The following SCFD2 variants were observed in gnomAD, a reference collection of about 807,000 sequenced individuals.
SCFD2 encodes sec1 family domain containing 2.
In SCFD2, 54 loss-of-function variants were observed where a neutral mutation model predicts 58.9. The observed-to-expected ratio is 0.92, with a 90% CI of 0.74 to 1.15. SCFD2 has a LOEUF of 1.15. Ranked by LOEUF, SCFD2 falls within the 50% of genes most tolerant of loss-of-function variation. The pLI is 0.00. For synonymous variants in SCFD2, 321 were observed against 335.9 expected (o/e 0.96, Z 0.49); for missense variants, 805 against 836.6 (o/e 0.96, Z 0.47).
rs191722198 is a variant in SCFD2 at position 53,298,559 on chromosome 4, G to A, written c.1135+15077C>T. 3.5e-3 allele frequency among the ~76,000 whole-genome samples: 535 copies of A among 152,336 alleles called. 3 individuals are homozygous for A. The highest frequency in any genetic ancestry group is 0.012 in the African/African-American group (517 of 41,576). The stretch of plus-strand genomic sequence containing the variant: ...ACAAAAGACAGCAATAACCTCTGCA[G>A]ACTTACATGTCCCTGTCTGACAGCT... On this transcript the variant is annotated intron_variant, in intron 3 of 8. Transcript: ENST00000401642.
intron 3 of SCFD2, among the ~76,000 whole-genome samples, chr4:53,288,502 C>T (rs1240755645): frequency 1.3e-5 from 2 of 152,052 alleles, no homozygotes; most frequent in African/African-American, 4.8e-5. Context: ...AATCAAGTGA[C>T]ATACAAGGGA....
chr4:53,267,094 G>A (rs566969450), intron 4 of SCFD2, among the ~76,000 whole-genome samples: 59 of 152,182 alleles, frequency 3.9e-4, no homozygotes, highest in African/African-American at 1.3e-3. Flanking sequence ...TTCTAAGACC[G>A]ATTTCTTTTT....
At chr4:52,974,579 AAATGGCCATACTGCCCAAGGT>A (rs1253278946) in intron 5 of SCFD2, among the ~76,000 whole-genome samples, 1 of 152,240 alleles carries the variant, frequency 6.6e-6, no homozygotes, top group Non-Finnish European at 1.5e-5. Flanking sequence ...AATATCATGA[AAATGGCCATACTGCCCAAGGT>A]AATTTATAGA....
chr4:53,021,803 T>C (rs1170916652), intron 5 of SCFD2, among the ~76,000 whole-genome samples: 1 of 152,164 alleles, frequency 6.6e-6, no homozygotes, highest in Non-Finnish European at 1.5e-5. Context: ...AAAATCTTGT[T>C]TTGTTCACAG....
At chr4:52,933,737 T>C (rs1390987145) in intron 5 of SCFD2, among the ~76,000 whole-genome samples, 2 of 152,156 alleles carry the variant, frequency 1.3e-5, no homozygotes, top group East Asian at 3.9e-4. Context: ...AACTCTAAAG[T>C]AGTTAGAATT....
At chr4:53,321,174 A>C (rs1379871232) in intron 2 of SCFD2, among the ~76,000 whole-genome samples, 1 of 152,104 alleles carries the variant, frequency 6.6e-6, no homozygotes, top group Non-Finnish European at 1.5e-5. Flanking sequence ...AAGGTCTTTC[A>C]AGAAACTTCT....
At chr4:53,024,014 A>C (rs1174627648) in intron 5 of SCFD2, among the ~76,000 whole-genome samples, 1 of 152,182 alleles carries the variant, frequency 6.6e-6, no homozygotes, top group Non-Finnish European at 1.5e-5. Flanking sequence ...AATGAATCTG[A>C]GGCTGGCTTG....
In SCFD2 at chr4:53,185,145, G is replaced by C. The variant is rs73143501; in HGVS notation, c.1312-39563C>G. The stretch of plus-strand genomic sequence containing the variant: ...AACCTGCAATCCAAAGAGAAATATA[G>C]AGAGTAACAAAATTCTTTTGAAATG... On this transcript the variant is annotated intron_variant, in intron 4 of 8. Coordinates refer to ENST00000401642, the MANE Select transcript of SCFD2 (RefSeq NM_152540.4). Among the ~76,000 whole-genome samples the C allele has an allele frequency of 9.1e-3, 1,389 of 152,178 alleles. 19 individuals carry two copies. The highest frequency in any genetic ancestry group is 0.032 in the African/African-American group (1,312 of 41,520).
intron 4 of SCFD2, among the ~76,000 whole-genome samples, chr4:53,196,528 A>G (rs1188738574): frequency 6.6e-6 from 1 of 152,190 alleles, no homozygotes; most frequent in Non-Finnish European, 1.5e-5. Flanking sequence ...AGCCAGGCAA[A>G]GACCATTCGC....
chr4:53,138,218 T>C (rs1018597299), intron 5 of SCFD2, among the ~76,000 whole-genome samples: 2 of 152,110 alleles, frequency 1.3e-5, no homozygotes, highest in Admixed American at 1.3e-4. Context: ...GAATGGTCAG[T>C]AGGGCAGTTA....
chr4:53,186,035 C>A (rs908465629), intron 4 of SCFD2, among the ~76,000 whole-genome samples: 2 of 152,072 alleles, frequency 1.3e-5, no homozygotes, highest in African/African-American at 4.8e-5. Flanking sequence ...AACTTTTGTT[C>A]AAGTTGTGAT....
intron 2 of SCFD2, among the ~76,000 whole-genome samples, chr4:53,349,584 A>T (rs1255914657): frequency 6.6e-6 from 1 of 152,230 alleles, no homozygotes; most frequent in African/African-American, 2.4e-5. Flanking sequence ...CTCTCTTGTC[A>T]CTTGCCCATT....
Position 53,258,577 on chromosome 4 carries a change from T to TATATATATAC in SCFD2, c.1311+15248_1311+15249insGTATATATAT, listed in dbSNP as rs757658747. Among the ~76,000 whole-genome samples, 288 of 121,044 alleles carry TATATATATAC rather than the reference T, an allele frequency of 2.4e-3. 2 individuals are homozygous for TATATATATAC. Among genetic ancestry groups the TATATATATAC allele is most frequent in the Middle Eastern group, 4.3e-3 (1 of 234 alleles). The allele number at this position is 121,044 out of a possible 152,430, so 79.4% of individuals were successfully genotyped here. ...ATATATATATATATATATATATATA[T>TATATATATAC]ACACACACATATATACATAACACAT... On this transcript the variant is annotated intron_variant, in intron 4 of 8. Coordinates refer to ENST00000401642, the MANE Select transcript of SCFD2 (RefSeq NM_152540.4).
intron 6 of SCFD2, among the ~76,000 whole-genome samples, chr4:52,919,592 A>G (rs1250080946): frequency 1.3e-5 from 2 of 152,212 alleles, no homozygotes; most frequent in Non-Finnish European, 2.9e-5. Flanking sequence ...TATTATAGTC[A>G]GGGAGGAGGT....
chr4:52,937,727 A>T (rs1720178565), intron 5 of SCFD2, among the ~76,000 whole-genome samples: 1 of 152,136 alleles, frequency 6.6e-6, no homozygotes, highest in South Asian at 2.1e-4. Flanking sequence ...TGTGAAGAGG[A>T]GGGAGGAGAG....
At chr4:52,923,350 C>T (rs531835986) in intron 5 of SCFD2, among the ~76,000 whole-genome samples, 70 of 151,948 alleles carry the variant, frequency 4.6e-4, no homozygotes, top group Non-Finnish European at 8.4e-4. Flanking sequence ...GGTGGCAGGC[C>T]GCGTATAATC....
intron 5 of SCFD2, among the ~76,000 whole-genome samples, chr4:53,050,477 A>G (rs1350182446): frequency 6.6e-6 from 1 of 152,246 alleles, no homozygotes; most frequent in African/African-American, 2.4e-5. Context: ...AGTTCAATAA[A>G]ACAGATAACA....
At chr4:53,153,269 T>C (rs1726567259) in intron 4 of SCFD2, among the ~76,000 whole-genome samples, 1 of 152,240 alleles carries the variant, frequency 6.6e-6, no homozygotes, top group African/African-American at 2.4e-5. Flanking sequence ...ATCCAGGCTT[T>C]CCAATACATC....
chr4:53,007,333 AGG>A lies in SCFD2; in HGVS notation c.1562-86465_1562-86464del, dbSNP rs1491235983. ...GAGAGAGAGAGAGAGAGAGAGAGAGAGGGAGAGAGAGAGAGAGAGAAAAGAAA... is the reference window on the plus strand; with the variant it reads ...GAGAGAGAGAGAGAGAGAGAGAGAGAGAGAGAGAGAGAGAGAGAAAAGAAA... On this transcript the variant is annotated intron_variant, in intron 5 of 8. Coordinates refer to ENST00000401642, the MANE Select transcript of SCFD2 (RefSeq NM_152540.4). Among the ~76,000 whole-genome samples, 577 of 125,476 alleles carry A rather than the reference AGG, an allele frequency of 4.6e-3. 7 individuals carry two copies. The highest frequency in any genetic ancestry group is 0.016 in the Admixed American group (184 of 11,560). 82.3% of individuals were successfully genotyped at this position (125,476 alleles called of 152,430 possible).
Sources: gnomAD v4.1 joint callset for allele counts (sites outside exome capture counted in the v4.1 genomes callset) on GRCh38, gnomAD v4.1.1 for gene constraint, MANE v1.5 for transcripts, NCBI Gene and HGNC (gene_info 2026-07-23, HGNC 2026-07-21) for gene names.